Variants in TFAP2B observed in about 807,000 individuals in gnomAD.
TFAP2B encodes transcription factor AP-2-beta.
A neutral mutation model predicts 44.3 loss-of-function variants in TFAP2B; 9 were observed. That is an observed-to-expected ratio of 0.20 (90% confidence interval 0.12 to 0.35). The LOEUF (loss-of-function observed/expected upper bound fraction) is 0.35, where lower values mean the gene tolerates loss of function less well. Ranked by LOEUF, TFAP2B falls within the 10% of genes least tolerant of loss-of-function variation. The pLI, the probability that TFAP2B is intolerant of heterozygous loss-of-function variation, is 1.00. For synonymous variants in TFAP2B, 270 were observed against 263.8 expected (o/e 1.02, Z -0.23); for missense variants, 509 against 600.0 (o/e 0.85, Z 1.59).
At chr6:50,825,741 A>G (rs1013573688) in intron 2 of TFAP2B, among the ~76,000 whole-genome samples, 4 of 152,166 alleles carry the variant, frequency 2.6e-5, no homozygotes, top group African/African-American at 9.7e-5. Context: ...GGAGAAAAGC[A>G]GCAGGCAGCA....
At chr6:50,840,365 G>T in intron 6 of TFAP2B, 68 bp downstream of exon 6, 1 of 1,591,174 alleles carries the variant, frequency 6.3e-7, no homozygotes. Flanking sequence ...TTTGGAGTAG[G>T]TGGTGGGGAG....
At chr6:50,832,583 C>T (rs1762532952) in intron 3 of TFAP2B, among the ~76,000 whole-genome samples, 1 of 152,122 alleles carries the variant, frequency 6.6e-6, no homozygotes, top group African/African-American at 2.4e-5. Context: ...TTTTAGGGGC[C>T]ACTTTGAGTC....
At position 50,843,123 on chromosome 6, in the gene TFAP2B, G is replaced by A; in HGVS notation, c.1114G>A (p.Ala372Thr). ...TTGTAAAGAATTTACGGATCTACTG[G>A]CGCAGGACCGGACACCGATAGGGAA... ...QLCKEFTDLL[A>T]QDRTPIGNSR... Residue 372 changes from alanine to threonine, a missense_variant, in exon 7 of 7, where the codon GCG (alanine) becomes ACG (threonine). This residue lies in a region of TFAP2B where 168 missense variants were observed against 183.2 expected (regional missense o/e 0.92). Transcript: ENST00000393655. 6 of 1,614,232 alleles carry A rather than the reference G, an allele frequency of 3.7e-6. No homozygotes were observed. Among genetic ancestry groups the A allele is most frequent in the Non-Finnish European group, 5.1e-6 (6 of 1,180,050 alleles).
rs1316091035 is a variant in TFAP2B, at chr6:50,844,303, A to C, written c.*911A>C. 1 of 90,622 alleles carries C rather than the reference A, an allele frequency of 1.1e-5. No individual in the cohort carries two copies. The highest frequency in any genetic ancestry group is 2.8e-5 in the Non-Finnish European group (1 of 35,214). The allele number at this position is 90,622 out of a possible 1,614,324, so 5.6% of individuals were successfully genotyped here. ...TATGAACTATAGTAAAAAAAAAAAA[A>C]CACACACACACACAATATGAATACG... On this transcript the variant is annotated 3_prime_UTR_variant, in exon 7 of 7. Transcript: ENST00000393655.
At position 50,840,220 on chromosome 6, in the gene TFAP2B, C is replaced by T. The variant is rs1431913432; in HGVS notation, c.1005C>T (p.Ala335=). The T allele has an allele frequency of 1.2e-5, 19 of 1,613,992 alleles. No individual in the cohort carries two copies. The highest frequency in any genetic ancestry group is 4.5e-5 in the East Asian group (2 of 44,888). ...YICETEFPAK[A]VSEYLNRQHT... Reference sequence around the variant, plus strand: ...GCGAAACGGAGTTTCCCGCCAAAGCCGTCTCTGAGTATTTGAACCGGCAGC... The same window carrying T: ...GCGAAACGGAGTTTCCCGCCAAAGCTGTCTCTGAGTATTTGAACCGGCAGC... Residue 335 remains alanine (A), a synonymous_variant, in exon 6 of 7, where the codon GCC becomes GCT. Coordinates refer to ENST00000393655, the MANE Select transcript of TFAP2B (RefSeq NM_003221.4).
At position 50,844,851 on chromosome 6, in the gene TFAP2B, T is replaced by C. The variant is rs1049146088; in HGVS notation, c.*1459T>C. 3.3e-5 allele frequency: 5 copies of C among 152,236 alleles called. No individual in the cohort carries two copies. Among genetic ancestry groups the C allele is most frequent in the African/African-American group, 7.2e-5 (3 of 41,470 alleles). The allele number at this position is 152,236 out of a possible 1,614,324, so 9.4% of individuals were successfully genotyped here. On this transcript the variant is annotated 3_prime_UTR_variant, in exon 7 of 7. Transcript: ENST00000393655. Reference sequence around the variant, plus strand: ...CTGTAACAATTGCTTTCTTACAAGATGCTTTATGAATGAGGCATTTTTCCC... The same window carrying C: ...CTGTAACAATTGCTTTCTTACAAGACGCTTTATGAATGAGGCATTTTTCCC...
At position 50,846,953 on chromosome 6, in the gene TFAP2B, T is replaced by G. The variant is rs1296035724; in HGVS notation, c.*3561T>G. The G allele has an allele frequency of 6.6e-6, 1 of 152,650 alleles. No individual in the cohort carries two copies. The highest frequency in any genetic ancestry group is 1.5e-5 in the Non-Finnish European group (1 of 68,042). 9.5% of individuals were successfully genotyped at this position (152,650 alleles called of 1,614,324 possible). On this transcript the variant is annotated 3_prime_UTR_variant, in exon 7 of 7. Transcript: ENST00000393655. The stretch of plus-strand genomic sequence containing the variant: ...TCTCTCAAGCAATTATTTCATATCC[T>G]ACGAAAACTTTGGTCGAATGGAAAA...
intron 3 of TFAP2B, among the ~76,000 whole-genome samples, chr6:50,829,229 T>G (rs1461476570): frequency 6.6e-6 from 1 of 152,244 alleles, no homozygotes; most frequent in Non-Finnish European, 1.5e-5. Flanking sequence ...TATGCACATT[T>G]CTAAATCTTC....
At chr6:50,840,755 C>T (rs1453600425) in intron 6 of TFAP2B, among the ~76,000 whole-genome samples, 1 of 152,228 alleles carries the variant, frequency 6.6e-6, no homozygotes, top group Non-Finnish European at 1.5e-5. Context: ...TGTCATCTTC[C>T]ACAGACTTGT....
At chr6:50,826,679 A>G (rs1770518363) in intron 2 of TFAP2B, among the ~76,000 whole-genome samples, 1 of 151,702 alleles carries the variant, frequency 6.6e-6, no homozygotes, top group Non-Finnish European at 1.5e-5. Context: ...GTGAAAGGAC[A>G]CCTAGTTTGG....
rs1037682577 is a variant in TFAP2B, at chr6:50,846,118, G to C, written c.*2726G>C. 2 of 152,618 alleles carry C rather than the reference G, an allele frequency of 1.3e-5. No individual in the cohort carries two copies. Among genetic ancestry groups the C allele is most frequent in the Non-Finnish European group, 2.9e-5 (2 of 68,066 alleles). 9.5% of individuals were successfully genotyped at this position (152,618 alleles called of 1,614,324 possible). On this transcript the variant is annotated 3_prime_UTR_variant, in exon 7 of 7. Transcript: ENST00000393655. Reference sequence around the variant, plus strand: ...AGATGGGATGGGAATTGTCTTACTTGGCAAGGCAGGGTACCTTCATTGCCA... The same window carrying C: ...AGATGGGATGGGAATTGTCTTACTTCGCAAGGCAGGGTACCTTCATTGCCA...
At chr6:50,838,980 T>G (rs1208428273) in intron 5 of TFAP2B, among the ~76,000 whole-genome samples, 2 of 152,216 alleles carry the variant, frequency 1.3e-5, no homozygotes, top group Admixed American at 1.3e-4. Flanking sequence ...TTAAAATATT[T>G]AGGCAGCAAC....
Position 50,833,712 on chromosome 6 carries a change from G to A in TFAP2B, c.602-2349G>A, listed in dbSNP as rs1762561464. Among the ~76,000 whole-genome samples, 3 of 152,190 alleles carry A rather than the reference G, an allele frequency of 2.0e-5. No individual in the cohort carries two copies. In the South Asian group the frequency reaches 6.2e-4, roughly 32 times the overall value. The stretch of plus-strand genomic sequence containing the variant: ...GGTGAATCAGGCAATTAACAATAGT[G>A]AAATTACAGGGTGGTTTATAACATT... On this transcript the variant is annotated intron_variant, in intron 3 of 6. Transcript: ENST00000393655.
At chr6:50,821,876 A>G in intron 1 of TFAP2B, 1 of 305,456 alleles carries the variant, frequency 3.3e-6, no homozygotes, top group South Asian at 2.9e-5. Flanking sequence ...CTGCATCTGG[A>G]GCCCCGAAGA....
At chr6:50,827,552 C>T (rs1225065346) in intron 2 of TFAP2B, among the ~76,000 whole-genome samples, 2 of 152,156 alleles carry the variant, frequency 1.3e-5, no homozygotes, top group Admixed American at 6.5e-5. Context: ...CAGCATGAGT[C>T]GGTGTGAGTG....
intron 5 of TFAP2B, 142 bp from the exon 6 acceptor site, chr6:50,840,014 T>A (rs1762694856): frequency 9.1e-7 from 1 of 1,100,566 alleles, no homozygotes; most frequent in African/African-American, 1.5e-5. Flanking sequence ...TCATTTTTCC[T>A]TTAGGCATCT....
rs373907784 is a variant in TFAP2B at position 50,828,666 on chromosome 6, T to C, written c.588T>C (p.Ser196=). ...NNSGMNLLDQ[S]VIKKVPVPPK... ...GCGGCATGAATCTATTGGACCAGTC[T>C]GTCATTAAAAAAGGTATGGATAATT... The change falls in exon 3 of 7, where the codon TCT becomes TCC. Residue 196 remains serine (S), a synonymous_variant. Transcript: ENST00000393655. 1.4e-5 allele frequency: 22 copies of C among 1,614,100 alleles called. No individual in the cohort carries two copies. The highest frequency in any genetic ancestry group is 1.5e-5 in the Non-Finnish European group (18 of 1,179,968).
At chr6:50,836,503 G>C (rs996357515) in intron 4 of TFAP2B, among the ~76,000 whole-genome samples, 1 of 152,130 alleles carries the variant, frequency 6.6e-6, no homozygotes, top group Admixed American at 6.5e-5. Context: ...TTGCATCCAG[G>C]CCTGCCCGCG....
chr6:50,823,720 T>C lies in TFAP2B; in HGVS notation c.395T>C (p.Leu132Pro). 1.2e-6 allele frequency: 2 copies of C among 1,612,582 alleles called. No homozygotes were observed. The highest frequency in any genetic ancestry group is 1.7e-6 in the Non-Finnish European group (2 of 1,179,416). ...LPQPRAALPQLSGLDPRRDYH... is the reference protein window; with the variant it reads ...LPQPRAALPQPSGLDPRRDYH... ...CAGCCTCGGGCCGCCTTGCCCCAGC[T>C]CTCGGGCCTTGACCCCCGGAGGGAC... Residue 132 changes from leucine (L) to proline (P), a missense_variant, in exon 2 of 7, where the codon CTC becomes CCC. Leu to Pro is a moderately conservative substitution (Grantham distance 98). Transcript: ENST00000393655.
Sources: gnomAD v4.1 joint callset for allele counts (sites outside exome capture counted in the v4.1 genomes callset) on GRCh38, gnomAD v4.1.1 for gene constraint, gnomAD v4.1.1 regional missense constraint, MANE v1.5 for transcripts, NCBI Gene and HGNC (gene_info 2026-07-23, HGNC 2026-07-21) for gene names.